Variants in MAD1L1 observed in about 807,000 individuals in gnomAD.
MAD1L1 encodes the protein mitotic arrest deficient 1 like 1.
In MAD1L1, 95 loss-of-function variants were observed where a neutral mutation model predicts 96.9. The ratio of observed to expected loss-of-function variants is 0.98; its 90% CI spans 0.83 to 1.16. The LOEUF (loss-of-function observed/expected upper bound fraction) is 1.16. MAD1L1 is among the 50% of genes most tolerant of loss of function. The pLI is 0.00. For synonymous variants in MAD1L1, 473 were observed against 396.6 expected, an observed-to-expected ratio of 1.19 and a Z score of -2.29; for missense variants, 1,007 against 954.4, an observed-to-expected ratio of 1.06 and a Z score of -0.73.
intron 12 of MAD1L1, among the ~76,000 whole-genome samples, chr7:2,041,135 C>T (rs1303911390): frequency 6.6e-6 from 1 of 152,216 alleles, no homozygotes; most frequent in Non-Finnish European, 1.5e-5. Context: ...AAGCTCAAGG[C>T]TGTCAGGAGG....
At chr7:1,860,741 C>G (rs568717887) in intron 18 of MAD1L1, among the ~76,000 whole-genome samples, 1 of 151,944 alleles carries the variant, frequency 6.6e-6, no homozygotes, top group Non-Finnish European at 1.5e-5. Context: ...ACCCCGGGGC[C>G]TGACCTCCGC....
chr7:1,905,439 T>C lies in MAD1L1; in HGVS notation c.1808-7049A>G, dbSNP rs372918304. ...GGAACTCATGATTGATGAAGCACTGTTCCAGGCAGCAAGCACGCAGTGGCC... is the reference window on the plus strand; with the variant it reads ...GGAACTCATGATTGATGAAGCACTGCTCCAGGCAGCAAGCACGCAGTGGCC... On this transcript the variant is annotated intron_variant, in intron 17 of 18. Coordinates refer to ENST00000265854, the MANE Select transcript of MAD1L1 (RefSeq NM_001013836.2). 8.8e-5 allele frequency among the ~76,000 whole-genome samples: 13 copies of C among 147,400 alleles called. No individual in the cohort carries two copies. In the East Asian group the frequency reaches 1.0e-3, roughly 12 times the overall value.
chr7:1,907,266 T>C (rs1369258491), intron 17 of MAD1L1, among the ~76,000 whole-genome samples: 5 of 152,176 alleles, frequency 3.3e-5, no homozygotes, highest in East Asian at 3.9e-4. Context: ...GGAGCTGGCC[T>C]GGGTCTGGGC....
At chr7:2,166,870 C>T (rs557973239) in intron 10 of MAD1L1, among the ~76,000 whole-genome samples, 3 of 152,328 alleles carry the variant, frequency 2.0e-5, no homozygotes, top group Admixed American at 2.0e-4. Flanking sequence ...GAAGGGCAGC[C>T]CATGGGCCTG....
chr7:2,164,372 T>C (rs1252157875), intron 10 of MAD1L1, among the ~76,000 whole-genome samples: 5 of 152,176 alleles, frequency 3.3e-5, no homozygotes, highest in Non-Finnish European at 5.9e-5. Flanking sequence ...TTCTGGTCTA[T>C]GAAACAGACA....
intron 11 of MAD1L1, among the ~76,000 whole-genome samples, chr7:2,111,128 G>A (rs1291870808): frequency 6.6e-6 from 1 of 152,210 alleles, no homozygotes; most frequent in African/African-American, 2.4e-5. Flanking sequence ...AAGACAAGAG[G>A]AACAAAGAAG....
At chr7:1,884,161 G>A (rs1036170082) in intron 18 of MAD1L1, among the ~76,000 whole-genome samples, 8 of 152,378 alleles carry the variant, frequency 5.3e-5, no homozygotes, top group Admixed American at 2.0e-4. Context: ...CAGGGCCAGT[G>A]GCCAGGAGGG....
intron 15 of MAD1L1, among the ~76,000 whole-genome samples, chr7:1,980,078 G>T (rs569323142): frequency 6.6e-6 from 1 of 152,240 alleles, no homozygotes; most frequent in Non-Finnish European, 1.5e-5. Flanking sequence ...AGCCACCCAC[G>T]GGGGAGCACA....
intron 18 of MAD1L1, among the ~76,000 whole-genome samples, chr7:1,869,167 G>A (rs114025291): frequency 0.012 from 1,835 of 152,236 alleles, 23 homozygotes; most frequent in African/African-American, 0.023. Context: ...GGCATGGGGC[G>A]GGGTTGGGTC....
chr7:2,171,789 G>T (rs1194116969), intron 10 of MAD1L1, among the ~76,000 whole-genome samples: 1 of 152,256 alleles, frequency 6.6e-6, no homozygotes, highest in Admixed American at 6.5e-5. Flanking sequence ...AGCAGTTGGA[G>T]GGTGGAGCTG....
chr7:2,130,977 T>C (rs1291691765), intron 11 of MAD1L1, among the ~76,000 whole-genome samples: 1 of 152,230 alleles, frequency 6.6e-6, no homozygotes, highest in Non-Finnish European at 1.5e-5. Context: ...ACATGAATGA[T>C]CCGGAACTTC....
chr7:2,092,694 T>G (rs536331221), intron 11 of MAD1L1, among the ~76,000 whole-genome samples: 1 of 152,378 alleles, frequency 6.6e-6, no homozygotes, highest in Admixed American at 6.5e-5. Context: ...GGATACCAGT[T>G]ATTTGTCAAA....
At chr7:1,923,476 C>T (rs1403044430) in intron 17 of MAD1L1, among the ~76,000 whole-genome samples, 3 of 133,548 alleles carry the variant, frequency 2.2e-5, no homozygotes, top group South Asian at 2.4e-4. Flanking sequence ...CGCGCTCTTC[C>T]GCCCCGGCAG....
At chr7:2,017,231 C>T (rs1782583364) in intron 12 of MAD1L1, among the ~76,000 whole-genome samples, 1 of 152,242 alleles carries the variant, frequency 6.6e-6, no homozygotes, top group African/African-American at 2.4e-5. Context: ...ATTTCCACCT[C>T]AGCAAATGCG....
At chr7:1,848,380 G>C (rs140659417) in intron 18 of MAD1L1, 1 of 153,892 alleles carries the variant, frequency 6.5e-6, no homozygotes, top group Non-Finnish European at 1.4e-5. Context: ...ATGGAAACAG[G>C]AAGTTTCCGG....
intron 12 of MAD1L1, among the ~76,000 whole-genome samples, chr7:2,027,494 C>T (rs1385395682): frequency 2.0e-5 from 3 of 152,190 alleles, no homozygotes; most frequent in Non-Finnish European, 4.4e-5. Flanking sequence ...ACACACAGAG[C>T]ATAACCCATA....
chr7:1,835,694 T>A (rs1214885053), intron 18 of MAD1L1, among the ~76,000 whole-genome samples: 1 of 151,994 alleles, frequency 6.6e-6, no homozygotes, highest in Non-Finnish European at 1.5e-5. Context: ...GTCCATACAG[T>A]GAAGTGAAAG....
intron 17 of MAD1L1, among the ~76,000 whole-genome samples, chr7:1,923,485 A>ACCCGGGCAACCCCGCGCTCTTCC (rs758581092): frequency 7.4e-6 from 1 of 135,266 alleles, no homozygotes; most frequent in South Asian, 2.4e-4. Flanking sequence ...CCGCCCCGGC[A>ACCCGGGCAACCCCGCGCTCTTCC]GCCGGGCAAC....
chr7:2,023,882 G>A lies in MAD1L1; in HGVS notation c.1219-9240C>T, dbSNP rs368840634. Among the ~76,000 whole-genome samples the A allele has an allele frequency of 9.9e-5, 15 of 152,202 alleles. 1 individual carries two copies. The East Asian group carries it at 2.3e-3, about 23-fold the overall frequency. On this transcript the variant is annotated intron_variant, in intron 12 of 18. Coordinates refer to ENST00000265854, the MANE Select transcript of MAD1L1 (RefSeq NM_001013836.2). Reference sequence around the variant, plus strand: ...GAGAATCGCTTGAACCTGGGAGGCGGAAGTTGCAGTGAGCCGAGATCACGC... The same window carrying A: ...GAGAATCGCTTGAACCTGGGAGGCGAAAGTTGCAGTGAGCCGAGATCACGC...
Sources: allele counts gnomAD v4.1 joint callset (sites outside exome capture counted in the v4.1 genomes callset), GRCh38; gene constraint gnomAD v4.1.1; transcripts MANE v1.5; gene names NCBI Gene and HGNC (gene_info 2026-07-23, HGNC 2026-07-21).